SPOCK3: variants seen among roughly 807,000 people sequenced by gnomAD.
SPOCK3 encodes testican-3.
Under a neutral mutation model 56.6 loss-of-function variants are expected in SPOCK3, and 30 were observed. The ratio of observed to expected loss-of-function variants is 0.53; its 90% CI spans 0.40 to 0.72. SPOCK3 has a LOEUF of 0.72. SPOCK3 is among the 30% of genes least tolerant of loss of function. SPOCK3 has a pLI of 0.00. For synonymous variants in SPOCK3, 196 were observed against 183.3 expected, an observed-to-expected ratio of 1.07 and a Z score of -0.56; for missense variants, 527 against 530.0, an observed-to-expected ratio of 0.99 and a Z score of 0.06.
intron 6 of SPOCK3, among the ~76,000 whole-genome samples, chr4:166,804,458 A>ATATGATGCAATTCAG (rs1300693018): frequency 6.6e-6 from 1 of 152,082 alleles, no homozygotes; most frequent in Non-Finnish European, 1.5e-5. Context: ...GGGATTCAAC[A>ATATGATGCAATTCAG]TATGATGCAA....
At chr4:166,743,813 G>A (rs79862732) in intron 8 of SPOCK3, among the ~76,000 whole-genome samples, 31,778 of 152,188 alleles carry the variant, frequency 0.21, 4,096 homozygotes, top group South Asian at 0.3. Flanking sequence ...TATATCCTGC[G>A]CCTGGTTTGG....
At chr4:166,754,045 A>T (rs1048533902) in intron 8 of SPOCK3, 1 of 916,098 alleles carries the variant, frequency 1.1e-6, no homozygotes, top group African/African-American at 1.8e-5. Flanking sequence ...AATCATTTTA[A>T]AATCACATGA....
intron 8 of SPOCK3, among the ~76,000 whole-genome samples, chr4:166,746,453 C>T (rs1735628544): frequency 1.3e-5 from 2 of 152,104 alleles, no homozygotes; most frequent in Admixed American, 1.3e-4. Flanking sequence ...AAAGACAGAA[C>T]ATACCAGAAT....
At chr4:167,147,935 G>A (rs977155177) in intron 2 of SPOCK3, among the ~76,000 whole-genome samples, 3 of 151,952 alleles carry the variant, frequency 2.0e-5, no homozygotes, top group Non-Finnish European at 4.4e-5. Context: ...TTCTGCACAT[G>A]TACCCCAGCA....
chr4:166,774,733 T>C (rs1455296701), intron 7 of SPOCK3, among the ~76,000 whole-genome samples: 1 of 152,158 alleles, frequency 6.6e-6, no homozygotes, highest in African/African-American at 2.4e-5. Context: ...GGAACACATA[T>C]AAAGCTGTCT....
intron 2 of SPOCK3, among the ~76,000 whole-genome samples, chr4:167,207,586 C>T (rs912538749): frequency 6.6e-6 from 1 of 151,944 alleles, no homozygotes; most frequent in African/African-American, 2.4e-5. Context: ...ACCTACAAAC[C>T]CACCATCTGT....
chr4:166,911,332 T>C (rs1344004112), intron 5 of SPOCK3, among the ~76,000 whole-genome samples: 1 of 152,080 alleles, frequency 6.6e-6, no homozygotes, highest in Non-Finnish European at 1.5e-5. Flanking sequence ...AGTGGAAGTT[T>C]TGGGGAAATA....
chr4:166,806,257 G>C (rs1442261613), intron 6 of SPOCK3, among the ~76,000 whole-genome samples: 2 of 152,006 alleles, frequency 1.3e-5, no homozygotes, highest in Non-Finnish European at 2.9e-5. Flanking sequence ...CATGGCTCAA[G>C]TCTTTGGCAA....
At chr4:167,000,310 C>A in intron 4 of SPOCK3, 39 bp downstream of exon 4, 2 of 984,864 alleles carry the variant, frequency 2.0e-6, no homozygotes, top group South Asian at 2.9e-5. Flanking sequence ...TGGTAAGGAG[C>A]GCTGTTCAAT....
At chr4:167,030,170 G>C (rs1297939633) in intron 3 of SPOCK3, among the ~76,000 whole-genome samples, 2 of 150,964 alleles carry the variant, frequency 1.3e-5, no homozygotes, top group Non-Finnish European at 3.0e-5. Context: ...CATCCATCTA[G>C]AAAAAGAGAG....
At chr4:167,141,790 T>C (rs945146177) in intron 2 of SPOCK3, among the ~76,000 whole-genome samples, 3 of 151,984 alleles carry the variant, frequency 2.0e-5, no homozygotes, top group Non-Finnish European at 4.4e-5. Context: ...CAACAAATTA[T>C]AAACTAAATA....
At chr4:167,132,753 T>C (rs1762800632) in intron 2 of SPOCK3, among the ~76,000 whole-genome samples, 1 of 152,076 alleles carries the variant, frequency 6.6e-6, no homozygotes, top group African/African-American at 2.4e-5. Context: ...CTGGCATTCC[T>C]TGGCTTGTGA....
chr4:166,978,921 C>A (rs1016377360), intron 4 of SPOCK3, among the ~76,000 whole-genome samples: 1 of 151,954 alleles, frequency 6.6e-6, no homozygotes, highest in African/African-American at 2.4e-5. Context: ...GATATGAGTG[C>A]GGAAGAGGCT....
chr4:166,998,750 T>G (rs1748652069), intron 4 of SPOCK3, among the ~76,000 whole-genome samples: 1 of 152,106 alleles, frequency 6.6e-6, no homozygotes, highest in African/African-American at 2.4e-5. Flanking sequence ...TCCCAGGGTC[T>G]CTAGAACTTG....
intron 3 of SPOCK3, among the ~76,000 whole-genome samples, chr4:167,032,691 A>G (rs1752388977): frequency 6.6e-6 from 1 of 152,096 alleles, no homozygotes; most frequent in South Asian, 2.1e-4. Context: ...GCATTCTACT[A>G]AGATATAATT....
At chr4:166,791,580 C>T (rs1222535868) in intron 7 of SPOCK3, among the ~76,000 whole-genome samples, 1 of 151,998 alleles carries the variant, frequency 6.6e-6, no homozygotes, top group African/African-American at 2.4e-5. Flanking sequence ...TAAAATTATT[C>T]ATAACAAGTA....
chr4:166,994,786 T>C (rs1404232141), intron 4 of SPOCK3, among the ~76,000 whole-genome samples: 1 of 152,140 alleles, frequency 6.6e-6, no homozygotes, highest in African/African-American at 2.4e-5. Context: ...ATCTAAGTAG[T>C]TGAATTTTCT....
intron 2 of SPOCK3, among the ~76,000 whole-genome samples, chr4:167,132,416 T>C (rs981752253): frequency 1.4e-4 from 21 of 152,234 alleles, no homozygotes; most frequent in Non-Finnish European, 2.9e-4. Context: ...TGTGTATTTT[T>C]TTAAAGACAT....
At chr4:167,002,002 T>C (rs1748996790) in intron 3 of SPOCK3, among the ~76,000 whole-genome samples, 1 of 152,152 alleles carries the variant, frequency 6.6e-6, no homozygotes. Flanking sequence ...TCTGACGCCC[T>C]GGCTAGAGTT....
Sources: gnomAD v4.1 joint callset for allele counts (sites outside exome capture counted in the v4.1 genomes callset) on GRCh38, gnomAD v4.1.1 for gene constraint, MANE v1.5 for transcripts, NCBI Gene and HGNC (gene_info 2026-07-23, HGNC 2026-07-21) for gene names.